The following FAM171A1 variants were observed in gnomAD, a reference collection of about 807,000 sequenced individuals.
FAM171A1 encodes protein FAM171A1.
In FAM171A1, 23 loss-of-function variants were observed where a neutral mutation model predicts 74.9. That is an observed-to-expected ratio of 0.31 (90% CI 0.22 to 0.44). FAM171A1 has a LOEUF of 0.44. FAM171A1 is among the 20% of genes least tolerant of loss of function. FAM171A1 has a pLI of 1.00. For synonymous variants in FAM171A1, 527 were observed against 505.7 expected (o/e 1.04, Z -0.57); for missense variants, 1,162 against 1,159.2 (o/e 1.00, Z -0.03).
At chr10:15,336,208 G>A (rs1181707924) in intron 1 of FAM171A1, among the ~76,000 whole-genome samples, 1 of 152,160 alleles carries the variant, frequency 6.6e-6, no homozygotes, top group Non-Finnish European at 1.5e-5. Flanking sequence ...GTCATACCAG[G>A]ATGGAAAGCC....
chr10:15,314,466 C>T (rs749983340), intron 1 of FAM171A1, among the ~76,000 whole-genome samples: 9 of 152,082 alleles, frequency 5.9e-5, no homozygotes, highest in Non-Finnish European at 1.2e-4. Flanking sequence ...GAATCAAGTC[C>T]ATTGTATAAG....
Position 15,343,334 on chromosome 10 carries a change from A to G in FAM171A1, c.97+27622T>C, listed in dbSNP as rs371035796. ...TAGTGAGCTATGATTGCACCACTGCAGGACCAGATGAGTGAGTGGCAGTTC... is the reference window on the plus strand; with the variant it reads ...TAGTGAGCTATGATTGCACCACTGCGGGACCAGATGAGTGAGTGGCAGTTC... On this transcript the variant is annotated intron_variant, in intron 1 of 7. Coordinates refer to ENST00000378116, the MANE Select transcript of FAM171A1 (RefSeq NM_001010924.2). Among the ~76,000 whole-genome samples, 24 of 152,330 alleles carry G rather than the reference A, an allele frequency of 1.6e-4. No homozygotes were observed. The East Asian group carries it at 2.1e-3, about 13-fold the overall frequency.
At position 15,213,164 on chromosome 10, in the gene FAM171A1, G is replaced by C. The variant is rs1038056677; in HGVS notation, c.2424C>G (p.Pro808=). ...GSECGTTVCT[P]EDSALRCLLE... is the part of the protein sequence containing the mutation. ...ACAAGCATCGCAGGGCACTGTCCTC[G>C]GGGGTACAGACCGTGGTCCCACATT... is the stretch of plus-strand genomic sequence containing the variant. Residue 808 remains proline, a synonymous_variant, in exon 8 of 8, where the codon CCC becomes CCG. Coordinates refer to ENST00000378116, the MANE Select transcript of FAM171A1 (RefSeq NM_001010924.2). This position sits in a 1 kb window ranked among gnomAD's most constrained non-coding sequence, Gnocchi z 6.8. 11 of 1,613,998 alleles carry C rather than the reference G, an allele frequency of 6.8e-6. No individual in the cohort carries two copies. The highest frequency in any genetic ancestry group is 1.6e-4 in the Middle Eastern group (1 of 6,084).
At chr10:15,328,114 A>C (rs1835579938) in intron 1 of FAM171A1, among the ~76,000 whole-genome samples, 1 of 146,948 alleles carries the variant, frequency 6.8e-6, no homozygotes, top group Non-Finnish European at 1.5e-5. Flanking sequence ...AAAAAAAAAA[A>C]CCTTTCTAAA....
chr10:15,279,504 G>T (rs780806049), intron 2 of FAM171A1, among the ~76,000 whole-genome samples: 11 of 147,140 alleles, frequency 7.5e-5, no homozygotes, highest in Non-Finnish European at 1.5e-4. Context: ...TGGAGGTGCT[G>T]TTCATACCAA....
intron 1 of FAM171A1, among the ~76,000 whole-genome samples, chr10:15,316,460 A>G (rs1443580490): frequency 6.6e-6 from 1 of 152,162 alleles, no homozygotes; most frequent in Non-Finnish European, 1.5e-5. Context: ...CTTGTAGGAG[A>G]GCATTCCTCG....
chr10:15,216,681 C>T lies in FAM171A1; in HGVS notation c.872-571G>A, dbSNP rs139727611. Among the ~76,000 whole-genome samples, 1,070 of 152,200 alleles carry T rather than the reference C, an allele frequency of 7.0e-3. 9 individuals carry two copies. The highest frequency in any genetic ancestry group is 0.011 in the Admixed American group (170 of 15,290). ...ACTCCTGAGTTCGAGCAATCCACTG[C>T]CTCGGCCTACCAAAGTGCTGGGATT... On this transcript the variant is annotated intron_variant, in intron 6 of 7. Coordinates refer to ENST00000378116, the MANE Select transcript of FAM171A1 (RefSeq NM_001010924.2).
At chr10:15,368,356 G>T (rs184199272) in intron 1 of FAM171A1, among the ~76,000 whole-genome samples, 49 of 152,282 alleles carry the variant, frequency 3.2e-4, no homozygotes, top group African/African-American at 1.1e-3. Context: ...AATCAAAAAG[G>T]TGTCATTTAG....
chr10:15,312,315 C>T lies in FAM171A1; in HGVS notation c.98-28210G>A, dbSNP rs371420117. ...GCTCACTCCAACTGTCACTCTAAGT[C>T]TAAAGCCCTGTTGCTTACTCGCTGC... On this transcript the variant is annotated intron_variant, in intron 1 of 7. Transcript: ENST00000378116. 5.2e-3 allele frequency among the ~76,000 whole-genome samples: 787 copies of T among 152,296 alleles called. 7 individuals carry two copies. Among genetic ancestry groups the T allele is most frequent in the African/African-American group, 0.018 (731 of 41,564 alleles).
chr10:15,264,734 G>T (rs898535879), intron 3 of FAM171A1, among the ~76,000 whole-genome samples: 8 of 152,074 alleles, frequency 5.3e-5, no homozygotes, highest in Non-Finnish European at 1.2e-4. Context: ...AGTGAGCTGA[G>T]ATCCAGTCAC....
chr10:15,239,740 G>A (rs564835038), intron 5 of FAM171A1, among the ~76,000 whole-genome samples: 127 of 152,270 alleles, frequency 8.3e-4, no homozygotes, highest in African/African-American at 2.8e-3. Flanking sequence ...TTCGCTCTAC[G>A]AATCACAGCA....
intron 5 of FAM171A1, among the ~76,000 whole-genome samples, chr10:15,242,397 T>TG (rs113215667): frequency 2.0e-5 from 3 of 152,374 alleles, no homozygotes; most frequent in African/African-American, 7.2e-5. Context: ...TATTTTTGAA[T>TG]GACTATCCAC....
intron 5 of FAM171A1, among the ~76,000 whole-genome samples, chr10:15,238,001 C>T (rs774171467): frequency 4.6e-5 from 7 of 152,140 alleles, no homozygotes; most frequent in Non-Finnish European, 8.8e-5. Flanking sequence ...TTGCTGAATG[C>T]CCTGAACTAC....
At chr10:15,279,185 A>T (rs61842665) in intron 2 of FAM171A1, among the ~76,000 whole-genome samples, 6,078 of 152,240 alleles carry the variant, frequency 0.04, 182 homozygotes, top group Non-Finnish European at 0.057. Flanking sequence ...GTGTTTTGAA[A>T]ATGTTTCTCA....
chr10:15,309,816 A>T (rs1186723811), intron 1 of FAM171A1, among the ~76,000 whole-genome samples: 4 of 152,262 alleles, frequency 2.6e-5, no homozygotes, highest in Non-Finnish European at 4.4e-5. Flanking sequence ...TTAAAATTGC[A>T]GGTAATATTT....
Position 15,213,236 on chromosome 10 carries a change from G to A in FAM171A1, c.2352C>T (p.Ala784=). The A allele has an allele frequency of 1.2e-6, 2 of 1,614,148 alleles. No individual in the cohort carries two copies. Among genetic ancestry groups the A allele is most frequent in the Non-Finnish European group, 1.7e-6 (2 of 1,180,042 alleles). The part of the protein sequence containing the change: ...QKEPRAPDST[A]YTQLVYLDDV... Reference sequence around the variant, plus strand: ...CATCCAGGTACACGAGCTGCGTGTAGGCCGTGCTGTCTGGGGCTCGAGGCT... The same window carrying A: ...CATCCAGGTACACGAGCTGCGTGTAAGCCGTGCTGTCTGGGGCTCGAGGCT... Residue 784 remains alanine, a synonymous_variant, in exon 8 of 8, where the codon GCC becomes GCT. Transcript: ENST00000378116. This position sits in a 1 kb window ranked among gnomAD's most constrained non-coding sequence, Gnocchi z 6.8.
intron 1 of FAM171A1, among the ~76,000 whole-genome samples, chr10:15,299,574 G>A (rs45607937): frequency 0.21 from 32,460 of 151,908 alleles, 3,702 homozygotes; most frequent in Non-Finnish European, 0.26. Flanking sequence ...TTAAGATGAC[G>A]ATGATGATGA....
At chr10:15,288,395 T>C (rs1835063697) in intron 1 of FAM171A1, among the ~76,000 whole-genome samples, 1 of 152,160 alleles carries the variant, frequency 6.6e-6, no homozygotes, top group Non-Finnish European at 1.5e-5. Context: ...GAGATTTTGG[T>C]GTACCCATCA....
Position 15,213,400 on chromosome 10 carries a change from C to G in FAM171A1, c.2188G>C (p.Ala730Pro), listed in dbSNP as rs1349485109. Residue 730 changes from alanine (A) to proline (P), a missense_variant, in exon 8 of 8, where the codon GCT becomes CCT. By Grantham distance (27) the Ala-to-Pro change is conservative (BLOSUM62 -1). Coordinates refer to ENST00000378116, the MANE Select transcript of FAM171A1 (RefSeq NM_001010924.2). The surrounding 1 kb of genome is among the most constrained non-coding windows in gnomAD (Gnocchi z 6.8). ...GCATCATTACTTCCGTTCCTTCCAG[C>G]TCTTTGGAGATCAATGTATGAATGT... ...VRHSYIDLQR[A>P]GRNGSNDASL... 1.9e-6 allele frequency: 3 copies of G among 1,614,204 alleles called. No individual in the cohort carries two copies. In the South Asian group the frequency reaches 3.3e-5, roughly 18 times the overall value.
Sources: allele counts gnomAD v4.1 joint callset (sites outside exome capture counted in the v4.1 genomes callset), GRCh38; gene constraint gnomAD v4.1.1; non-coding constraint Gnocchi (gnomAD v3.1); transcripts MANE v1.5; gene names NCBI Gene and HGNC (gene_info 2026-07-23, HGNC 2026-07-21).